The following CADM2 variants were observed in gnomAD, a reference collection of about 807,000 sequenced individuals.
CADM2 encodes cell adhesion molecule 2, also known as immunoglobulin superfamily member 4D.
Under a neutral mutation model 49.8 loss-of-function variants are expected in CADM2, and 12 were observed. The observed-to-expected ratio is 0.24, with a 90% CI of 0.15 to 0.39. The LOEUF (loss-of-function observed/expected upper bound fraction) is 0.39, where lower values mean the gene tolerates loss of function less well. Ranked by LOEUF, CADM2 falls within the 10% of genes least tolerant of loss-of-function variation. The pLI is 1.00. For missense variants in CADM2, 378 were observed against 492.3 expected (o/e 0.77, Z 2.20); for synonymous variants, 214 against 175.4 (o/e 1.22, Z -1.74).
chr3:85,199,369 A>AGAGAGAGAGAGAGAGAGAG lies in CADM2; in HGVS notation c.61+239701_61+239702insGAGAGAGAGAGAGAGAGAG, dbSNP rs1559716313. 2.5e-3 allele frequency among the ~76,000 whole-genome samples: 232 copies of AGAGAGAGAGAGAGAGAGAG among 92,010 alleles called. 1 individual carries two copies. The highest frequency in any genetic ancestry group is 8.1e-3 in the African/African-American group (222 of 27,312). The allele number at this position is 92,010 out of a possible 152,430, so 60.4% of individuals were successfully genotyped here. On this transcript the variant is annotated intron_variant, in intron 1 of 9. Transcript: ENST00000383699. ...TGTGTGTGTGTGTGTGTGTGTGTGTATGAGAGAGAGAGAGAGAGAGAAGCC... is the reference window on the plus strand; with the variant it reads ...TGTGTGTGTGTGTGTGTGTGTGTGTAGAGAGAGAGAGAGAGAGAGTGAGAGAGAGAGAGAGAGAGAAGCC...
At chr3:85,148,439 G>T (rs866025743) in intron 1 of CADM2, among the ~76,000 whole-genome samples, 4 of 152,188 alleles carry the variant, frequency 2.6e-5, no homozygotes, top group Admixed American at 1.3e-4. Context: ...TTATGCTCAT[G>T]TGGCAGACAG....
At chr3:85,320,246 T>A (rs1056172754) in intron 1 of CADM2, among the ~76,000 whole-genome samples, 15 of 152,312 alleles carry the variant, frequency 9.8e-5, no homozygotes, top group Admixed American at 8.5e-4. Context: ...TGGTCCCTGA[T>A]GTCAACAGTA....
At chr3:86,026,516 C>G (rs1733926386) in intron 8 of CADM2, among the ~76,000 whole-genome samples, 2 of 152,106 alleles carry the variant, frequency 1.3e-5, no homozygotes, top group Non-Finnish European at 2.9e-5. Context: ...ACAACTCCAG[C>G]TAATATCACT....
At chr3:86,021,943 A>G (rs1733246742) in intron 8 of CADM2, among the ~76,000 whole-genome samples, 1 of 152,158 alleles carries the variant, frequency 6.6e-6, no homozygotes, top group Admixed American at 6.5e-5. Context: ...CCTGTAATGT[A>G]TATGGGATTC....
At chr3:86,015,162 A>G in intron 8 of CADM2, 2 of 479,588 alleles carry the variant, frequency 4.2e-6, no homozygotes, top group East Asian at 3.5e-5. Flanking sequence ...TTGATATTTT[A>G]AAGAAAAGCC....
intron 1 of CADM2, among the ~76,000 whole-genome samples, chr3:85,330,221 GA>G (rs1246090167): frequency 1.3e-5 from 2 of 152,080 alleles, no homozygotes; most frequent in African/African-American, 4.8e-5. Context: ...TGTGAACTTG[GA>G]AACATCACCT....
intron 1 of CADM2, among the ~76,000 whole-genome samples, chr3:85,670,729 G>A (rs1157295068): frequency 6.6e-6 from 1 of 152,202 alleles, no homozygotes; most frequent in Non-Finnish European, 1.5e-5. Context: ...CTCTGAGATA[G>A]AGATATATGA....
chr3:85,798,644 C>G (rs1213148365), intron 2 of CADM2, among the ~76,000 whole-genome samples: 1 of 152,106 alleles, frequency 6.6e-6, no homozygotes, highest in Non-Finnish European at 1.5e-5. Flanking sequence ...GTTTTGGTGC[C>G]AGTACCATGC....
intron 8 of CADM2, among the ~76,000 whole-genome samples, chr3:85,961,860 T>G (rs1724865140): frequency 6.6e-6 from 1 of 152,076 alleles, no homozygotes; most frequent in Non-Finnish European, 1.5e-5. Flanking sequence ...AAATTTTTTT[T>G]TGTAAAAAGC....
At chr3:85,308,358 G>A (rs896741311) in intron 1 of CADM2, among the ~76,000 whole-genome samples, 4 of 144,668 alleles carry the variant, frequency 2.8e-5, no homozygotes, top group African/African-American at 1.0e-4. Flanking sequence ...CATGTTACAA[G>A]CCTATAAATC....
intron 1 of CADM2, among the ~76,000 whole-genome samples, chr3:85,010,964 C>T (rs2107253110): frequency 7.2e-6 from 1 of 139,512 alleles, no homozygotes; most frequent in East Asian, 2.3e-4. Flanking sequence ...CCCGGGTTCA[C>T]TCCATTCTCC....
intron 1 of CADM2, among the ~76,000 whole-genome samples, chr3:85,506,696 G>A (rs913477483): frequency 6.6e-6 from 1 of 151,838 alleles, no homozygotes; most frequent in African/African-American, 2.4e-5. Flanking sequence ...CATACCCCAT[G>A]GCTTCTGCTA....
At chr3:86,006,180 G>C (rs903662076) in intron 8 of CADM2, among the ~76,000 whole-genome samples, 2 of 152,074 alleles carry the variant, frequency 1.3e-5, no homozygotes, top group South Asian at 2.1e-4. Flanking sequence ...AACAAACAAA[G>C]GACCAGGAAT....
At chr3:85,715,768 T>C (rs1458905770) in intron 1 of CADM2, among the ~76,000 whole-genome samples, 1 of 152,206 alleles carries the variant, frequency 6.6e-6, no homozygotes, top group Non-Finnish European at 1.5e-5. Context: ...TCGTTTTCAG[T>C]TCCTGTGTTA....
At chr3:85,198,683 C>T (rs2041408321) in intron 1 of CADM2, among the ~76,000 whole-genome samples, 2 of 151,786 alleles carry the variant, frequency 1.3e-5, no homozygotes, top group Admixed American at 1.3e-4. Context: ...ATCAAATGTG[C>T]ATACATATAT....
intron 2 of CADM2, among the ~76,000 whole-genome samples, chr3:85,778,164 T>C (rs954208995): frequency 6.6e-6 from 1 of 152,176 alleles, no homozygotes; most frequent in African/African-American, 2.4e-5. Flanking sequence ...TTAGTCTGTT[T>C]ATATTATTTT....
intron 1 of CADM2, among the ~76,000 whole-genome samples, chr3:85,531,772 G>T (rs2061316769): frequency 6.6e-6 from 1 of 152,064 alleles, no homozygotes; most frequent in Non-Finnish European, 1.5e-5. Flanking sequence ...AAATAAAAAA[G>T]TATATGAAAT....
At chr3:86,011,027 A>C (rs1441273791) in intron 8 of CADM2, among the ~76,000 whole-genome samples, 1 of 152,018 alleles carries the variant, frequency 6.6e-6, no homozygotes, top group Non-Finnish European at 1.5e-5. Context: ...TTTATCGTAT[A>C]TCTACTAGTT....
chr3:85,384,201 T>C (rs1375620883), intron 1 of CADM2, among the ~76,000 whole-genome samples: 2 of 150,600 alleles, frequency 1.3e-5, no homozygotes, highest in African/African-American at 5.0e-5. Flanking sequence ...CCCATTGTTA[T>C]ATATTTTTTG....
Sources: allele counts gnomAD v4.1 joint callset (sites outside exome capture counted in the v4.1 genomes callset), GRCh38; gene constraint gnomAD v4.1.1; transcripts MANE v1.5; gene names NCBI Gene and HGNC (gene_info 2026-07-23, HGNC 2026-07-21).